Variants in PBX4 observed in about 807,000 individuals in gnomAD.
PBX4 encodes the protein pre-B-cell leukemia transcription factor 4.
A neutral mutation model predicts 35.1 loss-of-function variants in PBX4; 26 were observed. The observed-to-expected ratio is 0.74, with a 90% CI of 0.54 to 1.03. The LOEUF is 1.03. Among genes scored for constraint, PBX4 ranks in the 50% least tolerant of loss-of-function variants. The pLI, the probability that PBX4 is intolerant of heterozygous loss-of-function variation, is 0.00. For synonymous variants in PBX4, 199 were observed against 204.2 expected (o/e 0.97, Z 0.22); for missense variants, 448 against 504.3 (o/e 0.89, Z 1.07).
Position 19,562,169 on chromosome 19 carries a change from T to C in PBX4, c.1033-52A>G. 1.4e-6 allele frequency: 2 copies of C among 1,411,900 alleles called. No individual in the cohort carries two copies. The highest frequency in any genetic ancestry group is 2.0e-6 in the Non-Finnish European group (2 of 1,023,158). 87.5% of individuals were successfully genotyped at this position (1,411,900 alleles called of 1,614,324 possible). A position where few individuals can be genotyped will look rare whatever the true frequency, so the allele number is the denominator to read the frequency against. ...AGTGGGTGGCCGTGAGACTGGTGACTACCCAGCCCACGTGCTGCAGGCGGA... is the reference window on the plus strand; with the variant it reads ...AGTGGGTGGCCGTGAGACTGGTGACCACCCAGCCCACGTGCTGCAGGCGGA... On this transcript the variant is annotated intron_variant, in intron 7 of 7. Transcript: ENST00000251203. The surrounding 1 kb of genome is among the most constrained non-coding windows in gnomAD (Gnocchi z 4.8).
At chr19:19,614,647 A>G (rs4808973) in intron 1 of PBX4, among the ~76,000 whole-genome samples, 125,995 of 152,056 alleles carry the variant, frequency 0.83, 52,435 homozygotes, top group East Asian at 1. Flanking sequence ...ACAACAGAGT[A>G]TGAGACTCCG....
intron 1 of PBX4, among the ~76,000 whole-genome samples, chr19:19,614,692 CAAACAAACAAACAA>C (rs913701553): frequency 2.0e-5 from 3 of 151,588 alleles, no homozygotes; most frequent in South Asian, 2.1e-4. Context: ...AAAAAACAGC[CAAACAAACAAACAA>C]AAACAAACAA....
intron 1 of PBX4, among the ~76,000 whole-genome samples, chr19:19,613,695 G>A (rs1192522859): frequency 6.6e-6 from 1 of 152,080 alleles, no homozygotes; most frequent in Non-Finnish European, 1.5e-5. Flanking sequence ...TGACATTCCT[G>A]GGTGTGTCAA....
intron 5 of PBX4, among the ~76,000 whole-genome samples, chr19:19,566,096 T>C (rs1265082658): frequency 6.6e-6 from 1 of 152,072 alleles, no homozygotes; most frequent in East Asian, 2.0e-4. Flanking sequence ...GAGGCAGCTG[T>C]TATCGTCCCT....
intron 1 of PBX4, among the ~76,000 whole-genome samples, chr19:19,600,421 G>A (rs1183224979): frequency 1.3e-5 from 2 of 151,956 alleles, no homozygotes; most frequent in East Asian, 3.9e-4. Context: ...TCCCTCAGGA[G>A]GCTGAGACAG....
rs372201918 is a variant in PBX4 at position 19,563,132 on chromosome 19, G to C, written c.1032+377C>G. On this transcript the variant is annotated intron_variant, in intron 7 of 7. Coordinates refer to ENST00000251203, the MANE Select transcript of PBX4 (RefSeq NM_025245.3). The surrounding 1 kb of genome is among the most constrained non-coding windows in gnomAD (Gnocchi z 5.1). ...AGCTGCGGCACTGAGGTCTGAGCCC[G>C]AGGGAAGGCCCCATCTCTCCTCCGG... Among the ~76,000 whole-genome samples, 1 of 152,254 alleles carries C rather than the reference G, an allele frequency of 6.6e-6. No individual in the cohort carries two copies. The highest frequency in any genetic ancestry group is 2.1e-4 in the South Asian group (1 of 4,824).
intron 3 of PBX4, 47 bp from the exon 4 acceptor site, chr19:19,570,346 T>C (rs1322690897): frequency 1.3e-6 from 2 of 1,556,498 alleles, no homozygotes; most frequent in Non-Finnish European, 1.7e-6. Flanking sequence ...GGCAGCAGGG[T>C]GGCACAGGGC....
intron 5 of PBX4, among the ~76,000 whole-genome samples, chr19:19,566,857 G>A (rs959276018): frequency 6.6e-6 from 1 of 152,160 alleles, no homozygotes; most frequent in African/African-American, 2.4e-5. Flanking sequence ...TTGCAGGCAT[G>A]TGCCACCAAG....
intron 1 of PBX4, among the ~76,000 whole-genome samples, chr19:19,615,203 C>A (rs2061682660): frequency 6.8e-6 from 1 of 147,044 alleles, no homozygotes; most frequent in Admixed American, 6.8e-5. Context: ...AAAGATTAGC[C>A]AGGCGTGGTG....
At chr19:19,585,809 T>C (rs2061485428) in intron 2 of PBX4, among the ~76,000 whole-genome samples, 2 of 152,016 alleles carry the variant, frequency 1.3e-5, no homozygotes, top group Non-Finnish European at 2.9e-5. Context: ...AAAAAACACA[T>C]TACTCCTAAC....
chr19:19,587,393 G>A (rs1276252973), intron 2 of PBX4, among the ~76,000 whole-genome samples: 3 of 151,580 alleles, frequency 2.0e-5, no homozygotes, highest in African/African-American at 7.3e-5. Flanking sequence ...TTTGAGACCA[G>A]CCTGGCCAAC....
chr19:19,570,408 C>T lies in PBX4; in HGVS notation c.442-109G>A, dbSNP rs571901549. ...CTGCCACCCCCTGTAGTTCACACAC[C>T]GGCGGGTGACTGTTAAGTAAATGGA... On this transcript the variant is annotated intron_variant, in intron 3 of 7. Transcript: ENST00000251203. 60 of 1,436,878 alleles carry T rather than the reference C, an allele frequency of 4.2e-5. No homozygotes were observed. In the African/African-American group the frequency reaches 4.9e-4, roughly 12 times the overall value. 89.0% of individuals were successfully genotyped at this position (1,436,878 alleles called of 1,614,324 possible).
chr19:19,577,605 G>A (rs1029483769), intron 2 of PBX4, among the ~76,000 whole-genome samples: 1 of 152,058 alleles, frequency 6.6e-6, no homozygotes, highest in African/African-American at 2.4e-5. Flanking sequence ...GGTGGCTCAC[G>A]CCTATAATCC....
rs369260221 is a variant in PBX4 at position 19,570,709 on chromosome 19, G to A, written c.318C>T (p.Ala106=). 7.4e-6 allele frequency: 12 copies of A among 1,613,990 alleles called. No homozygotes were observed. The highest frequency in any genetic ancestry group is 9.3e-6 in the Non-Finnish European group (11 of 1,180,018). The change falls in exon 3 of 8, where the codon GCC becomes GCT. Residue 106 remains alanine, a synonymous_variant. Coordinates refer to ENST00000251203, the MANE Select transcript of PBX4 (RefSeq NM_025245.3). ...CACCTGGTGTTGCTGTGCCGGCCCT[G>A]GCCACCGCTCCTCCTCTTCCTCTCT... ...PEKRGRGGAV[A]RAGTATPGGC... is the part of the protein sequence containing the mutation.
intron 5 of PBX4, 143 bp from the exon 6 acceptor site, chr19:19,565,232 T>C: frequency 9.5e-7 from 1 of 1,049,170 alleles, no homozygotes. Flanking sequence ...AGTCTGGGAC[T>C]GAGAAGGTGG....
chr19:19,561,908 T>C lies in PBX4; in HGVS notation c.*117A>G, dbSNP rs1288368063. On this transcript the variant is annotated 3_prime_UTR_variant, in exon 8 of 8. Coordinates refer to ENST00000251203, the MANE Select transcript of PBX4 (RefSeq NM_025245.3). Reference sequence around the variant, plus strand: ...GGCCTGGCTGAGGAGCAGGGGCTCATGGGCACCACCACCCATCTGGGTTTT... The same window carrying C: ...GGCCTGGCTGAGGAGCAGGGGCTCACGGGCACCACCACCCATCTGGGTTTT... 6.7e-5 allele frequency: 54 copies of C among 809,840 alleles called. No individual in the cohort carries two copies. The highest frequency in any genetic ancestry group is 1.5e-5 in the Non-Finnish European group (8 of 527,756). 50.2% of individuals were successfully genotyped at this position (809,840 alleles called of 1,614,324 possible).
rs1309061872 is a variant in PBX4 at position 19,570,812 on chromosome 19, T to C, written c.215A>G (p.Gln72Arg). 1 of 1,614,042 alleles carries C rather than the reference T, an allele frequency of 6.2e-7. No homozygotes were observed. The highest frequency in any genetic ancestry group is 1.7e-5 in the Admixed American group (1 of 59,998). Residue 72 changes from glutamine to arginine, a missense_variant, in exon 3 of 8, where the codon CAA (glutamine) becomes CGA (arginine). Transcript: ENST00000251203. ...EKTVVSIRGI[Q>R]DEDPPDAQLL... ...CTGGGCGTCAGGGGGATCTTCGTCTTGAATGCCACGGATGCTTACCACTAG... is the reference window on the plus strand; with the variant it reads ...CTGGGCGTCAGGGGGATCTTCGTCTCGAATGCCACGGATGCTTACCACTAG...
intron 2 of PBX4, among the ~76,000 whole-genome samples, chr19:19,582,632 C>T (rs944001434): frequency 3.9e-5 from 6 of 152,136 alleles, no homozygotes; most frequent in Admixed American, 2.6e-4. Context: ...ACATGTGATC[C>T]GATTTTTCCA....
rs905604901 is a variant in PBX4 at position 19,570,852 on chromosome 19, G to A, written c.194-19C>T. On this transcript the variant is annotated intron_variant, in intron 2 of 7. Coordinates refer to ENST00000251203, the MANE Select transcript of PBX4 (RefSeq NM_025245.3). ...CTTACCACTAGATAAGAGAGACCGG[G>A]ACAAGTCACAATTCATTTTCTGGAG... is the stretch of plus-strand genomic sequence containing the variant. The A allele has an allele frequency of 2.5e-6, 4 of 1,607,012 alleles. No homozygotes were observed. The African/African-American group carries it at 5.4e-5, about 22-fold the overall frequency.
Sources: gnomAD v4.1 joint callset for allele counts (sites outside exome capture counted in the v4.1 genomes callset) on GRCh38, gnomAD v4.1.1 for gene constraint, Gnocchi (gnomAD v3.1) non-coding constraint, MANE v1.5 for transcripts, NCBI Gene and HGNC (gene_info 2026-07-23, HGNC 2026-07-21) for gene names.